The following MME variants were observed in gnomAD, a reference collection of about 807,000 sequenced individuals.
MME encodes membrane metalloendopeptidase.
In MME, 98 loss-of-function variants were observed where a neutral mutation model predicts 113.2. The observed-to-expected ratio is 0.87, with a 90% confidence interval of 0.74 to 1.02. MME has a LOEUF of 1.02. Among genes scored for constraint, MME ranks in the 50% least tolerant of loss-of-function variants. The probability of loss-of-function intolerance (pLI) is 0.00; values close to 1 mark genes in which losing one functional copy is unlikely to be tolerated. For missense variants in MME, 836 were observed against 896.0 expected (o/e 0.93, Z 0.86); for synonymous variants, 292 against 300.6 (o/e 0.97, Z 0.30).
At position 155,073,017 on chromosome 3, in the gene MME, T is replaced by C. The variant is rs180850776; in HGVS notation, c.-10-11141T>C. 1.3e-3 allele frequency among the ~76,000 whole-genome samples: 196 copies of C among 152,356 alleles called. 4 individuals are homozygous for C. The highest frequency in any genetic ancestry group is 3.9e-3 in the African/African-American group (163 of 41,580). On this transcript the variant is annotated intron_variant, in intron 1 of 22. Coordinates refer to the MME transcript ENST00000492661. Reference sequence around the variant, plus strand: ...TGGTTTTAAACAAGAATCATTTGTATTGTTATGTTTCCTACAAATTACTAA... The same window carrying C: ...TGGTTTTAAACAAGAATCATTTGTACTGTTATGTTTCCTACAAATTACTAA...
intron 8 of MME, among the ~76,000 whole-genome samples, chr3:155,132,141 C>T (rs1720191308): frequency 6.6e-6 from 1 of 152,140 alleles, no homozygotes; most frequent in Non-Finnish European, 1.5e-5. Flanking sequence ...CGCTAGGTTA[C>T]CCAGATATCA....
At chr3:155,051,004 T>G (rs1197017953) in intron 1 of MME, among the ~76,000 whole-genome samples, 1 of 152,194 alleles carries the variant, frequency 6.6e-6, no homozygotes, top group African/African-American at 2.4e-5. Flanking sequence ...GAGCTGAGGA[T>G]ATTTCTAAGC....
At chr3:155,174,297 G>A (rs1712284581) in intron 22 of MME, among the ~76,000 whole-genome samples, 1 of 146,792 alleles carries the variant, frequency 6.8e-6, no homozygotes, top group Non-Finnish European at 1.5e-5. Flanking sequence ...ATCCCTCATC[G>A]ACTATTTTTC....
intron 1 of MME, among the ~76,000 whole-genome samples, chr3:155,039,491 C>G (rs1271341998): frequency 1.3e-5 from 2 of 152,076 alleles, no homozygotes; most frequent in Admixed American, 6.6e-5. Context: ...GAATAAGTAC[C>G]CTTCATTTTC....
At chr3:155,029,826 A>T (rs1275426496) in intron 1 of MME, among the ~76,000 whole-genome samples, 2 of 152,182 alleles carry the variant, frequency 1.3e-5, no homozygotes, top group African/African-American at 2.4e-5. Context: ...TTAAGTACTT[A>T]ATTTTCCTCT....
At chr3:155,087,446 A>G (rs1237787795) in intron 3 of MME, among the ~76,000 whole-genome samples, 2 of 152,010 alleles carry the variant, frequency 1.3e-5, no homozygotes, top group Admixed American at 6.6e-5. Context: ...CTGCACAGGT[A>G]CCTTGGCTGG....
At chr3:155,033,185 A>G (rs1157400444) in intron 1 of MME, among the ~76,000 whole-genome samples, 1 of 152,240 alleles carries the variant, frequency 6.6e-6, no homozygotes, top group Non-Finnish European at 1.5e-5. Flanking sequence ...CCTAAGAAGC[A>G]GAATTGCAAA....
At chr3:155,082,909 G>C (rs1317420173) in intron 1 of MME, among the ~76,000 whole-genome samples, 1 of 152,066 alleles carries the variant, frequency 6.6e-6, no homozygotes, top group Non-Finnish European at 1.5e-5. Context: ...GTTCAACAAA[G>C]ATCTTTAACT....
intron 1 of MME, among the ~76,000 whole-genome samples, chr3:155,036,194 G>C (rs1487669241): frequency 6.6e-6 from 1 of 152,160 alleles, no homozygotes; most frequent in Non-Finnish European, 1.5e-5. Flanking sequence ...AGAATTGTGA[G>C]AGCAGCATTT....
chr3:155,138,330 A>T, intron 9 of MME, 94 bp downstream of exon 9: 1 of 1,322,320 alleles, frequency 7.6e-7, no homozygotes. Flanking sequence ...AAGGTACAGC[A>T]CTTTAACCAA....
intron 1 of MME, among the ~76,000 whole-genome samples, chr3:155,067,858 A>G (rs986591761): frequency 2.6e-5 from 4 of 152,190 alleles, no homozygotes; most frequent in African/African-American, 9.6e-5. Context: ...ACCACTTTGG[A>G]AAATAGTTTG....
intron 1 of MME, among the ~76,000 whole-genome samples, chr3:155,058,883 G>T (rs1055073953): frequency 5.3e-5 from 8 of 152,142 alleles, no homozygotes; most frequent in Non-Finnish European, 7.4e-5. Flanking sequence ...CAAGGCACAG[G>T]TTCCAAATGA....
intron 18 of MME, 134 bp from the exon 19 acceptor site, chr3:155,168,358 C>T: frequency 1.2e-6 from 1 of 812,288 alleles, no homozygotes; most frequent in Non-Finnish European, 2.1e-6. Context: ...GGAGGGATGA[C>T]AGTCTCTCTC....
intron 3 of MME, among the ~76,000 whole-genome samples, chr3:155,113,216 A>G (rs1428080913): frequency 6.6e-6 from 1 of 152,184 alleles, no homozygotes; most frequent in Non-Finnish European, 1.5e-5. Flanking sequence ...ATAAACCACC[A>G]AAAGAGGAAA....
intron 8 of MME, among the ~76,000 whole-genome samples, chr3:155,124,499 G>A (rs1306166324): frequency 1.3e-5 from 2 of 151,984 alleles, no homozygotes; most frequent in African/African-American, 2.4e-5. Context: ...GACGCTCTGC[G>A]TTTTAGAGTT....
At chr3:155,099,981 A>G (rs1329688185) in intron 3 of MME, among the ~76,000 whole-genome samples, 1 of 152,246 alleles carries the variant, frequency 6.6e-6, no homozygotes, top group Non-Finnish European at 1.5e-5. Flanking sequence ...CATTCAGGAC[A>G]TAGGCATGGG....
rs1713195800 is a variant in MME, at chr3:155,182,519, A to G, written c.*2060A>G. ...CTCCTTTATCACAACCACCGTTACA[A>G]GTATACTTATATTTCCCTAAAATAC... On this transcript the variant is annotated 3_prime_UTR_variant, in exon 23 of 23. Coordinates refer to ENST00000360490, the MANE Select transcript of MME (RefSeq NM_007289.4). 1 of 152,214 alleles carries G rather than the reference A, an allele frequency of 6.6e-6. No individual in the cohort carries two copies. Among genetic ancestry groups the G allele is most frequent in the African/African-American group, 2.4e-5 (1 of 41,456 alleles). The allele number at this position is 152,214 out of a possible 1,614,324, so 9.4% of individuals were successfully genotyped here. A position where few individuals can be genotyped will look rare whatever the true frequency, so the allele number is the denominator to read the frequency against.
chr3:155,108,516 A>G lies in MME; in HGVS notation c.197-6478A>G, dbSNP rs563617976. ...GAGGCTGAGGCAGGAGAATCGCTTG[A>G]ACCCGGGAGGCAGAGGTTGCAGTGA... On this transcript the variant is annotated intron_variant, in intron 3 of 22. Transcript: ENST00000360490. 1.8e-4 allele frequency among the ~76,000 whole-genome samples: 28 copies of G among 152,146 alleles called. 1 individual carries two copies. In the South Asian group the frequency reaches 2.9e-3, roughly 16 times the overall value.
chr3:155,092,886 C>T (rs1421364369), intron 3 of MME, among the ~76,000 whole-genome samples: 5 of 152,074 alleles, frequency 3.3e-5, no homozygotes, highest in African/African-American at 4.8e-5. Flanking sequence ...AAGGGGACTT[C>T]TTGGGGTAAT....
Sources: gnomAD v4.1 joint callset for allele counts (sites outside exome capture counted in the v4.1 genomes callset) on GRCh38, gnomAD v4.1.1 for gene constraint, MANE v1.5 for transcripts, NCBI Gene and HGNC (gene_info 2026-07-23, HGNC 2026-07-21) for gene names.